Variants in RTTN observed in about 807,000 individuals in gnomAD.
RTTN encodes rotatin.
RTTN carries 182 observed loss-of-function variants against 269.2 expected under a neutral mutation model. That is an observed-to-expected ratio of 0.68 (90% CI 0.60 to 0.76). The LOEUF (loss-of-function observed/expected upper bound fraction) is 0.76, where lower values mean the gene tolerates loss of function less well. Ranked by LOEUF, RTTN falls within the 30% of genes least tolerant of loss-of-function variation. The pLI is 0.00. For missense variants in RTTN, 2,545 were observed against 2,608.6 expected (o/e 0.98, Z 0.53); for synonymous variants, 1,006 against 963.5 (o/e 1.04, Z -0.82).
intron 34 of RTTN, among the ~76,000 whole-genome samples, chr18:70,067,063 A>AC (rs2058155001): frequency 1.3e-5 from 2 of 152,218 alleles, no homozygotes. Flanking sequence ...ATCTGGAAAA[A>AC]AGTTCAGTCT....
At chr18:70,174,155 A>T (rs2061224288) in intron 11 of RTTN, among the ~76,000 whole-genome samples, 1 of 152,096 alleles carries the variant, frequency 6.6e-6, no homozygotes, top group Admixed American at 6.5e-5. Flanking sequence ...TTTAAAAAAA[A>T]AAAAAAAAGC....
intron 18 of RTTN, among the ~76,000 whole-genome samples, chr18:70,144,453 A>C (rs2060337463): frequency 3.9e-5 from 6 of 152,206 alleles, no homozygotes. Context: ...CCTTACTGTC[A>C]CTTCATGCTA....
At chr18:70,170,694 TG>T (rs1293285455) in intron 11 of RTTN, among the ~76,000 whole-genome samples, 10 of 152,204 alleles carry the variant, frequency 6.6e-5, no homozygotes, top group African/African-American at 2.2e-4. Flanking sequence ...TGAAAGCCAC[TG>T]GAACATTTTA....
intron 14 of RTTN, among the ~76,000 whole-genome samples, chr18:70,161,669 A>G (rs189272401): frequency 6.6e-6 from 1 of 152,310 alleles, no homozygotes; most frequent in East Asian, 1.9e-4. Context: ...AAATAACCCC[A>G]TTACAAATGG....
intron 43 of RTTN, among the ~76,000 whole-genome samples, chr18:70,027,777 T>C (rs2145573094): frequency 6.6e-6 from 1 of 152,288 alleles, no homozygotes; most frequent in Admixed American, 6.5e-5. Flanking sequence ...TTTAATAAAT[T>C]GTATAAATAA....
At chr18:70,169,605 GT>G (rs1345895440) in intron 11 of RTTN, among the ~76,000 whole-genome samples, 1 of 152,140 alleles carries the variant, frequency 6.6e-6, no homozygotes, top group Non-Finnish European at 1.5e-5. Flanking sequence ...AGAGGGGATA[GT>G]GGAAATCCAA....
chr18:70,113,118 A>G (rs747542592), intron 27 of RTTN, among the ~76,000 whole-genome samples: 28 of 152,202 alleles, frequency 1.8e-4, no homozygotes, highest in Admixed American at 5.9e-4. Context: ...TTTGAAATCA[A>G]TGAGAACGAA....
Position 70,024,817 on chromosome 18 carries a change from A to G in RTTN, c.5855T>C (p.Val1952Ala), listed in dbSNP as rs920661044. Residue 1952 changes from valine (V) to alanine (A), a missense_variant, in exon 44 of 49, where the codon GTC becomes GCC. Physicochemically the swap from Val to Ala is moderately conservative, Grantham distance 64 (BLOSUM62 0). Coordinates refer to ENST00000640769, the MANE Select transcript of RTTN (RefSeq NM_173630.4). ...AATCCAAGGCCAGAGAGAGTGCAAG[A>G]CAGGGACAAGGTGAGCTTCAAGAGC... Reference protein sequence around the residue: ...EAALEAHLVPVLHSLWPWILM... With the variant: ...EAALEAHLVPALHSLWPWILM... 1 of 1,614,114 alleles carries G rather than the reference A, an allele frequency of 6.2e-7. No individual in the cohort carries two copies. The highest frequency in any genetic ancestry group is 8.5e-7 in the Non-Finnish European group (1 of 1,179,938).
At chr18:70,190,396 G>A in intron 9 of RTTN, 142 bp downstream of exon 9, 2 of 526,732 alleles carry the variant, frequency 3.8e-6, no homozygotes, top group South Asian at 4.4e-5. Context: ...GACCTTATTA[G>A]GTTTTTAGAA....
chr18:70,123,566 A>G (rs146012554), intron 25 of RTTN, among the ~76,000 whole-genome samples: 81 of 152,132 alleles, frequency 5.3e-4, no homozygotes, highest in African/African-American at 1.9e-3. Flanking sequence ...GATTCCATAT[A>G]TAAGACAGAT....
At chr18:70,157,835 A>G (rs756118967) in intron 14 of RTTN, among the ~76,000 whole-genome samples, 13 of 152,306 alleles carry the variant, frequency 8.5e-5, no homozygotes, top group Non-Finnish European at 1.9e-4. Context: ...CATTAATAAC[A>G]TAACTGAGGA....
At chr18:70,143,320 C>T (rs1020641263) in intron 18 of RTTN, among the ~76,000 whole-genome samples, 1 of 152,076 alleles carries the variant, frequency 6.6e-6, no homozygotes, top group African/African-American at 2.4e-5. Flanking sequence ...GCACTATTCA[C>T]AACAGCAAAC....
chr18:70,075,806 T>C (rs1236944293), intron 32 of RTTN, among the ~76,000 whole-genome samples: 2 of 152,028 alleles, frequency 1.3e-5, no homozygotes, highest in East Asian at 1.9e-4. Context: ...AATGTTTCTA[T>C]GGAATGATCA....
At chr18:70,057,107 G>T (rs1460234209) in intron 37 of RTTN, among the ~76,000 whole-genome samples, 1 of 152,158 alleles carries the variant, frequency 6.6e-6, no homozygotes, top group African/African-American at 2.4e-5. Context: ...TCAGCTCAAA[G>T]AACACATCTC....
intron 47 of RTTN, 44 bp from the exon 48 acceptor site, chr18:70,005,311 T>A: frequency 7.1e-7 from 1 of 1,398,720 alleles, no homozygotes; most frequent in South Asian, 1.2e-5. Context: ...GTGTTATGGA[T>A]CATGATAGCA....
intron 40 of RTTN, among the ~76,000 whole-genome samples, chr18:70,046,820 T>A (rs1485993047): frequency 6.6e-6 from 1 of 152,182 alleles, no homozygotes; most frequent in African/African-American, 2.4e-5. Flanking sequence ...ACAGGCTTCT[T>A]ATCTATGCTG....
At chr18:70,121,933 C>T (rs1056058462) in intron 25 of RTTN, among the ~76,000 whole-genome samples, 1 of 152,068 alleles carries the variant, frequency 6.6e-6, no homozygotes, top group East Asian at 1.9e-4. Flanking sequence ...CTAGAAGTGA[C>T]AAATATCATA....
At chr18:70,163,795 C>T (rs1052371848) in intron 14 of RTTN, among the ~76,000 whole-genome samples, 2 of 152,112 alleles carry the variant, frequency 1.3e-5, no homozygotes, top group African/African-American at 4.8e-5. Context: ...TTTCGGCACT[C>T]GAAAAGTGTC....
intron 33 of RTTN, 76 bp from the exon 34 acceptor site, chr18:70,074,070 C>G: frequency 9.9e-7 from 1 of 1,013,776 alleles, no homozygotes; most frequent in Non-Finnish European, 1.5e-6. Context: ...GTACGCATTA[C>G]AGGAAACCAA....
Sources: gnomAD v4.1 joint callset for allele counts (sites outside exome capture counted in the v4.1 genomes callset) on GRCh38, gnomAD v4.1.1 for gene constraint, MANE v1.5 for transcripts, NCBI Gene and HGNC (gene_info 2026-07-23, HGNC 2026-07-21) for gene names.